Variants in FAM133B observed in about 807,000 individuals in gnomAD.
FAM133B encodes family with sequence similarity 133 member B.
FAM133B carries 25 observed loss-of-function variants against 46.4 expected under a neutral mutation model. That is an observed-to-expected ratio of 0.54 (90% CI 0.39 to 0.75). FAM133B has a LOEUF of 0.75. Ranked by LOEUF, FAM133B falls within the 30% of genes least tolerant of loss-of-function variation. The pLI is 0.00. For synonymous variants in FAM133B, 75 were observed against 86.0 expected (o/e 0.87, Z 0.71); for missense variants, 205 against 277.6 (o/e 0.74, Z 1.86).
intron 8 of FAM133B, among the ~76,000 whole-genome samples, chr7:92,574,234 T>C (rs755720194): frequency 6.6e-6 from 1 of 152,166 alleles, no homozygotes; most frequent in Non-Finnish European, 1.5e-5. Flanking sequence ...CACGGAATAT[T>C]ACTTAGCCAT....
At chr7:92,568,530 T>C (rs1394326921) in intron 9 of FAM133B, among the ~76,000 whole-genome samples, 2 of 148,530 alleles carry the variant, frequency 1.3e-5, no homozygotes, top group Non-Finnish European at 3.0e-5. Context: ...GCTAATTTTT[T>C]TTTTTTTTTT....
intron 6 of FAM133B, 175 bp from the exon 7 acceptor site, chr7:92,577,370 C>A: frequency 2.1e-6 from 1 of 465,604 alleles, no homozygotes; most frequent in Admixed American, 4.0e-5. Flanking sequence ...TGATTTGAAT[C>A]ACATGTAATG....
Position 92,589,865 on chromosome 7 carries a change from G to C in FAM133B, c.24+403C>G. On this transcript the variant is annotated intron_variant, in intron 1 of 10. Transcript: ENST00000445716. ...CGCAGGAGAGGGGTGCGGACCTGGGGCGGCCGATACCAAGGGGCGGGTGAG... is the reference window on the plus strand; with the variant it reads ...CGCAGGAGAGGGGTGCGGACCTGGGCCGGCCGATACCAAGGGGCGGGTGAG... The C allele has an allele frequency of 1.0e-5, 2 of 200,778 alleles. 1 individual carries two copies. The allele number at this position is 200,778 out of a possible 1,614,324, so 12.4% of individuals were successfully genotyped here. A position where few individuals can be genotyped will look rare whatever the true frequency, so the allele number is the denominator to read the frequency against.
At chr7:92,571,049 C>T (rs1395519501) in intron 8 of FAM133B, among the ~76,000 whole-genome samples, 1 of 152,148 alleles carries the variant, frequency 6.6e-6, no homozygotes, top group African/African-American at 2.4e-5. Flanking sequence ...TTTACTTAAC[C>T]CATCTCCTTC....
chr7:92,562,470 C>T (rs1794189590), intron 10 of FAM133B, 102 bp from the exon 11 acceptor site: 2 of 1,423,902 alleles, frequency 1.4e-6, no homozygotes, highest in South Asian at 1.5e-5. Flanking sequence ...AAACAATCCA[C>T]ACAACCAAGA....
At chr7:92,565,376 G>C (rs1222546674) in intron 10 of FAM133B, 3 of 150,518 alleles carry the variant, frequency 2.0e-5, no homozygotes, top group African/African-American at 7.4e-5. Flanking sequence ...GGCTGGTCTT[G>C]AACTCCTGAC....
Position 92,570,085 on chromosome 7 carries a change from A to G in FAM133B, c.517-170T>C, listed in dbSNP as rs541247383. 1.1e-4 allele frequency among the ~76,000 whole-genome samples: 17 copies of G among 152,248 alleles called. No individual in the cohort carries two copies. The South Asian group carries it at 3.5e-3, about 32-fold the overall frequency. Reference sequence around the variant, plus strand: ...TTTAAGTCTTTAATTCCACTAAAGCAATATTAAATATATTGAAAAGAAATA... The same window carrying G: ...TTTAAGTCTTTAATTCCACTAAAGCGATATTAAATATATTGAAAAGAAATA... On this transcript the variant is annotated intron_variant, in intron 8 of 10. Coordinates refer to ENST00000445716, the MANE Select transcript of FAM133B (RefSeq NM_152789.4).
At chr7:92,579,452 T>G in intron 2 of FAM133B, 57 bp from the exon 3 acceptor site, 1 of 1,258,916 alleles carries the variant, frequency 7.9e-7, no homozygotes. Context: ...GATAAATGCT[T>G]ACAAATAAGA....
chr7:92,575,446 C>T (rs1794664928), intron 8 of FAM133B, among the ~76,000 whole-genome samples: 1 of 152,028 alleles, frequency 6.6e-6, no homozygotes, highest in South Asian at 2.1e-4. Context: ...GTACTCCAGC[C>T]TGGGTGACAA....
intron 1 of FAM133B, 113 bp downstream of exon 1, chr7:92,590,155 C>T: frequency 6.5e-7 from 1 of 1,544,790 alleles, no homozygotes; most frequent in African/African-American, 1.4e-5. Flanking sequence ...TCTCCAGGCC[C>T]CACGTCTGAG....
At chr7:92,586,151 G>A (rs749685693) in intron 1 of FAM133B, among the ~76,000 whole-genome samples, 3 of 152,070 alleles carry the variant, frequency 2.0e-5, no homozygotes, top group East Asian at 1.9e-4. Context: ...CTAGGACTAC[G>A]GGTACAATTA....
At chr7:92,587,230 T>G (rs369978498) in intron 1 of FAM133B, among the ~76,000 whole-genome samples, 6 of 152,254 alleles carry the variant, frequency 3.9e-5, no homozygotes, top group Non-Finnish European at 7.3e-5. Flanking sequence ...ACTATGATTG[T>G]TTCATCAATG....
intron 6 of FAM133B, 67 bp downstream of exon 6, chr7:92,577,588 G>A: frequency 7.7e-7 from 1 of 1,303,302 alleles, no homozygotes. Context: ...ATTTCACAAT[G>A]GGTTTCCACT....
intron 8 of FAM133B, among the ~76,000 whole-genome samples, chr7:92,573,163 CTTTTTTTTTT>C (rs376920507): frequency 1.7e-5 from 2 of 118,366 alleles, no homozygotes; most frequent in South Asian, 5.6e-4. Flanking sequence ...AGTTTGGGGA[CTTTTTTTTTT>C]TTTTTTTTTT....
intron 1 of FAM133B, among the ~76,000 whole-genome samples, chr7:92,588,065 T>G (rs867107654): frequency 5.6e-4 from 85 of 152,186 alleles, no homozygotes; most frequent in Admixed American, 1.8e-3. Context: ...GTTTAAAGTC[T>G]TACCCCTCCT....
At chr7:92,586,148 T>G (rs1795032132) in intron 1 of FAM133B, among the ~76,000 whole-genome samples, 1 of 152,226 alleles carries the variant, frequency 6.6e-6, no homozygotes, top group South Asian at 2.1e-4. Flanking sequence ...ATGCTAGGAC[T>G]ACGGGTACAA....
At chr7:92,570,291 G>C (rs1461552974) in intron 8 of FAM133B, among the ~76,000 whole-genome samples, 1 of 151,956 alleles carries the variant, frequency 6.6e-6, no homozygotes, top group Non-Finnish European at 1.5e-5. Context: ...AAAATAAATG[G>C]GTGATTATTT....
intron 1 of FAM133B, chr7:92,585,445 A>G (rs1387070184): frequency 1.2e-6 from 1 of 814,044 alleles, no homozygotes; most frequent in East Asian, 1.3e-4. Flanking sequence ...GTTTATTTCC[A>G]AAGAGTGCAA....
At chr7:92,580,614 T>G (rs77350168) in intron 2 of FAM133B, among the ~76,000 whole-genome samples, 18,216 of 152,262 alleles carry the variant, frequency 0.12, 1,121 homozygotes, top group African/African-American at 0.14. Context: ...TCCCTGTGCC[T>G]TTTCCTTTTG....
Sources: gnomAD v4.1 joint callset for allele counts (sites outside exome capture counted in the v4.1 genomes callset) on GRCh38, gnomAD v4.1.1 for gene constraint, MANE v1.5 for transcripts, NCBI Gene and HGNC (gene_info 2026-07-23, HGNC 2026-07-21) for gene names.